Variants in FREM2 observed in about 807,000 individuals in gnomAD.
The protein encoded by FREM2 is FRAS1-related extracellular matrix protein 2.
A neutral mutation model predicts 219.9 loss-of-function variants in FREM2; 119 were observed. The ratio of observed to expected loss-of-function variants is 0.54; its 90% CI spans 0.47 to 0.63. FREM2 has a LOEUF of 0.63. Among genes scored for constraint, FREM2 ranks in the 30% least tolerant of loss-of-function variants. The probability of loss-of-function intolerance (pLI) is 0.00; values close to 1 mark genes in which losing one functional copy is unlikely to be tolerated. For synonymous variants in FREM2, 1,562 were observed against 1,522.8 expected (o/e 1.03, Z -0.60); for missense variants, 4,030 against 3,993.6 (o/e 1.01, Z -0.25).
At chr13:38,762,746 A>G (rs1373444938) in intron 2 of FREM2, among the ~76,000 whole-genome samples, 2 of 152,058 alleles carry the variant, frequency 1.3e-5, no homozygotes, top group Non-Finnish European at 2.9e-5. Context: ...CAATCTATTT[A>G]TATTTTATAG....
chr13:38,688,461 A>G lies in FREM2; in HGVS notation c.1117A>G (p.Thr373Ala). ...FQPGQGYLVS[T>A]DDRSLPLSSF... ...GCCTGGCCAGGGCTACTTGGTGAGC[A>G]CCGATGATCGCAGCCTGCCCCTTTC... Residue 373 changes from threonine to alanine, a missense_variant, in exon 1 of 24, where the codon ACC becomes GCC. Physicochemically the swap from Thr to Ala is moderately conservative, Grantham distance 58. Coordinates refer to ENST00000280481, the MANE Select transcript of FREM2 (RefSeq NM_207361.6). 1 of 1,614,074 alleles carries G rather than the reference A, an allele frequency of 6.2e-7. No individual in the cohort carries two copies. The highest frequency in any genetic ancestry group is 8.5e-7 in the Non-Finnish European group (1 of 1,180,014).
At chr13:38,821,057 T>A (rs1332913301) in intron 6 of FREM2, among the ~76,000 whole-genome samples, 2 of 152,276 alleles carry the variant, frequency 1.3e-5, no homozygotes, top group East Asian at 3.9e-4. Flanking sequence ...AGTTTGCTTC[T>A]TTATAAAACC....
chr13:38,839,309 T>C (rs1388150816), intron 6 of FREM2, among the ~76,000 whole-genome samples: 1 of 152,150 alleles, frequency 6.6e-6, no homozygotes, highest in African/African-American at 2.4e-5. Flanking sequence ...ACAGCGAAGA[T>C]TGCTGCCTGC....
rs1220706952 is a variant in FREM2 at position 38,689,360 on chromosome 13, T to G, written c.2016T>G (p.Phe672Leu). ...GGCCAGTCACAGACCAGTTCACATT[T>G]AGAGTCCAGGATAACCATGACCCTC... is the stretch of plus-strand genomic sequence containing the variant. Reference protein sequence around the residue: ...SPGPVTDQFTFRVQDNHDPPN... With the variant: ...SPGPVTDQFTLRVQDNHDPPN... Residue 672 changes from phenylalanine (F) to leucine (L), a missense_variant, in exon 1 of 24, where the codon TTT (phenylalanine) becomes TTG (leucine). Physicochemically the swap from Phe to Leu is conservative, Grantham distance 22. This residue lies in a region of FREM2 where 3,102 missense variants were observed against 2,950.7 expected (regional missense o/e 1.05). Coordinates refer to ENST00000280481, the MANE Select transcript of FREM2 (RefSeq NM_207361.6). 1 of 1,614,066 alleles carries G rather than the reference T, an allele frequency of 6.2e-7. No homozygotes were observed. Among genetic ancestry groups the G allele is most frequent in the Non-Finnish European group, 8.5e-7 (1 of 1,180,000 alleles).
intron 6 of FREM2, among the ~76,000 whole-genome samples, chr13:38,835,738 T>C (rs903866669): frequency 6.6e-5 from 10 of 152,242 alleles, no homozygotes; most frequent in African/African-American, 2.2e-4. Context: ...ATGATTTGGC[T>C]CTCTGTTTAT....
intron 2 of FREM2, among the ~76,000 whole-genome samples, chr13:38,747,977 A>G (rs971783124): frequency 1.3e-5 from 2 of 152,138 alleles, no homozygotes; most frequent in South Asian, 2.1e-4. Flanking sequence ...GTAAGGTTCA[A>G]ATATCCACAG....
At chr13:38,768,649 A>G (rs1873536758) in intron 3 of FREM2, among the ~76,000 whole-genome samples, 2 of 152,158 alleles carry the variant, frequency 1.3e-5, no homozygotes, top group Admixed American at 6.5e-5. Flanking sequence ...AGAGAAATAT[A>G]TTTGAAAATT....
At position 38,850,128 on chromosome 13, in the gene FREM2, A is replaced by C. The variant is rs750552569; in HGVS notation, c.6470A>C (p.Gln2157Pro). ...ATGATCCATAGGACTGGGGATGTCCAGTACAGATCTTCAGTGAGATGCTAC... is the reference window on the plus strand; with the variant it reads ...ATGATCCATAGGACTGGGGATGTCCCGTACAGATCTTCAGTGAGATGCTAC... ...VTMIHRTGDV[Q>P]YRSSVRCYTR... Residue 2157 changes from glutamine to proline, a missense_variant, in exon 9 of 24, where the codon CAG (glutamine) becomes CCG (proline). Transcript: ENST00000280481. 3.7e-6 allele frequency: 6 copies of C among 1,613,838 alleles called. No homozygotes were observed. The highest frequency in any genetic ancestry group is 1.7e-5 in the Admixed American group (1 of 59,998).
intron 6 of FREM2, among the ~76,000 whole-genome samples, chr13:38,790,448 G>C (rs1444512336): frequency 6.6e-6 from 1 of 152,024 alleles, no homozygotes; most frequent in Non-Finnish European, 1.5e-5. Context: ...TATATTTGCA[G>C]AGTTTGTGAG....
Position 38,872,764 on chromosome 13 carries a change from A to G in FREM2, c.8006A>G (p.Tyr2669Cys), listed in dbSNP as rs995471855. The G allele has an allele frequency of 1.9e-6, 3 of 1,614,058 alleles. No homozygotes were observed. The highest frequency in any genetic ancestry group is 2.5e-6 in the Non-Finnish European group (3 of 1,179,912). ...TAGGTCCTAAACCTAGTGCAGTCCT[A>G]TGTGACCCTTCGAGTCCCTCTGTAT... Reference protein sequence around the residue: ...DGQVLNLVQSYVTLRVPLYVS... With the variant: ...DGQVLNLVQSCVTLRVPLYVS... Residue 2669 changes from tyrosine to cysteine, a missense_variant, in exon 17 of 24, where the codon TAT becomes TGT. By Grantham distance (194) the Tyr-to-Cys change is radical (BLOSUM62 -2). Coordinates refer to ENST00000280481, the MANE Select transcript of FREM2 (RefSeq NM_207361.6).
At chr13:38,739,639 C>G (rs975235042) in intron 2 of FREM2, among the ~76,000 whole-genome samples, 1 of 152,166 alleles carries the variant, frequency 6.6e-6, no homozygotes, top group Non-Finnish European at 1.5e-5. Context: ...CTCAACTCTT[C>G]CTTTTTCACT....
intron 23 of FREM2, 102 bp from the exon 24 acceptor site, chr13:38,880,182 T>C (rs1878488399): frequency 8.1e-7 from 1 of 1,234,490 alleles, no homozygotes. Flanking sequence ...CAGACTAAAA[T>C]CATTTATTAA....
chr13:38,878,343 A>G (rs772739483), intron 22 of FREM2, 22 bp downstream of exon 22: 6 of 1,577,660 alleles, frequency 3.8e-6, no homozygotes, highest in Middle Eastern at 1.7e-4. Flanking sequence ...GACCCAAAAA[A>G]TGAGCTAGAT....
chr13:38,867,944 C>T (rs1192009865), intron 16 of FREM2, among the ~76,000 whole-genome samples: 1 of 152,212 alleles, frequency 6.6e-6, no homozygotes, highest in Non-Finnish European at 1.5e-5. Context: ...TCTGGAAACA[C>T]TCTCATGGAC....
At position 38,860,433 on chromosome 13, in the gene FREM2, T is replaced by C. The variant is rs867750386; in HGVS notation, c.7519+843T>C. Among the ~76,000 whole-genome samples the C allele has an allele frequency of 2.0e-5, 3 of 152,326 alleles. No homozygotes were observed. In the Middle Eastern group the frequency reaches 0.01, roughly 518 times the overall value. On this transcript the variant is annotated intron_variant, in intron 14 of 23. Transcript: ENST00000280481. ...TTTTCTTAAAAACGGTTGTATATAT[T>C]TGATTCTATTTCTAAATCATCTATT...
At chr13:38,759,689 A>G (rs1873154498) in intron 2 of FREM2, among the ~76,000 whole-genome samples, 1 of 152,216 alleles carries the variant, frequency 6.6e-6, no homozygotes, top group Non-Finnish European at 1.5e-5. Flanking sequence ...CTCCTCATGC[A>G]CCATAGATGA....
At chr13:38,825,306 T>G (rs1263682632) in intron 6 of FREM2, among the ~76,000 whole-genome samples, 5 of 152,016 alleles carry the variant, frequency 3.3e-5, no homozygotes, top group African/African-American at 1.2e-4. Flanking sequence ...AAACAGATAA[T>G]AAATTGGTGG....
At chr13:38,777,148 A>G (rs1215238176) in intron 4 of FREM2, among the ~76,000 whole-genome samples, 2 of 152,094 alleles carry the variant, frequency 1.3e-5, no homozygotes, top group African/African-American at 2.4e-5. Context: ...AAGTATACAT[A>G]CTTTTTAAAT....
intron 6 of FREM2, among the ~76,000 whole-genome samples, chr13:38,836,820 T>G (rs956069131): frequency 5.3e-5 from 8 of 152,178 alleles, no homozygotes; most frequent in Non-Finnish European, 8.8e-5. Context: ...TTGTGTCTAT[T>G]TGATTCTTCT....
Sources: allele counts gnomAD v4.1 joint callset (sites outside exome capture counted in the v4.1 genomes callset), GRCh38; gene constraint gnomAD v4.1.1; regional missense constraint gnomAD v4.1.1; transcripts MANE v1.5; gene names NCBI Gene and HGNC (gene_info 2026-07-23, HGNC 2026-07-21).